The following KCNG2 variants were observed in gnomAD, a reference collection of about 807,000 sequenced individuals.
The protein encoded by KCNG2 is voltage-gated potassium channel regulatory subunit KCNG2.
A neutral mutation model predicts 12.3 loss-of-function variants in KCNG2; 7 were observed. That is an observed-to-expected ratio of 0.57 (90% CI 0.32 to 1.07). The LOEUF (loss-of-function observed/expected upper bound fraction) is 1.07. Among genes scored for constraint, KCNG2 ranks in the 50% least tolerant of loss-of-function variants. The pLI is 0.04. For synonymous variants in KCNG2, 414 were observed against 351.4 expected (o/e 1.18, Z -1.99); for missense variants, 703 against 726.0 (o/e 0.97, Z 0.36).
At position 79,899,889 on chromosome 18, in the gene KCNG2, G is replaced by C. The variant is rs1599448537; in HGVS notation, c.*73G>C. 2.4e-6 allele frequency: 3 copies of C among 1,255,878 alleles called. No homozygotes were observed. 77.8% of individuals were successfully genotyped at this position (1,255,878 alleles called of 1,614,324 possible). A position where few individuals can be genotyped will look rare whatever the true frequency, so the allele number is the denominator to read the frequency against. On this transcript the variant is annotated 3_prime_UTR_variant, in exon 4 of 4. Transcript: ENST00000316249. Reference sequence around the variant, plus strand: ...GTCGGGACCCCCGAGGTGCGCCAAGGGGTGGGGGGCGTCTGGCCTGGGGGA... The same window carrying C: ...GTCGGGACCCCCGAGGTGCGCCAAGCGGTGGGGGGCGTCTGGCCTGGGGGA...
At position 79,805,476 on chromosome 18, in the gene KCNG2, G is replaced by A. The variant is rs73970107; in HGVS notation, c.-115+7462G>A. ...CACAAAAGTGCACTGGCTACAGGTC[G>A]AGTTTCTAGAAAACACTGCACTTGA... On this transcript the variant is annotated intron_variant, in intron 1 of 3. Transcript: ENST00000316249. Among the ~76,000 whole-genome samples the A allele has an allele frequency of 9.9e-3, 1,515 of 152,296 alleles. 28 individuals are homozygous for A. Among genetic ancestry groups the A allele is most frequent in the African/African-American group, 0.035 (1,452 of 41,560 alleles).
At chr18:79,813,137 A>G (rs991662801) in intron 1 of KCNG2, among the ~76,000 whole-genome samples, 3 of 152,234 alleles carry the variant, frequency 2.0e-5, no homozygotes, top group African/African-American at 7.2e-5. Context: ...CCTGGGTGAG[A>G]GGGTGAGACT....
intron 1 of KCNG2, among the ~76,000 whole-genome samples, chr18:79,807,598 G>A (rs893986908): frequency 2.0e-5 from 3 of 152,158 alleles, no homozygotes; most frequent in African/African-American, 7.2e-5. Flanking sequence ...TCTTCTTAAT[G>A]CTCTCACGCC....
chr18:79,860,157 G>A (rs1018565105), intron 2 of KCNG2, among the ~76,000 whole-genome samples: 20 of 152,156 alleles, frequency 1.3e-4, no homozygotes, highest in African/African-American at 4.3e-4. Context: ...ATCTCATTTC[G>A]ACACAAGATT....
intron 3 of KCNG2, among the ~76,000 whole-genome samples, chr18:79,885,626 G>T (rs1431701539): frequency 6.6e-6 from 1 of 152,242 alleles, no homozygotes; most frequent in East Asian, 1.9e-4. Flanking sequence ...TGCGTGGAAG[G>T]CAGCATCCAC....
chr18:79,899,572 C>T lies in KCNG2; in HGVS notation c.1157C>T (p.Ala386Val), dbSNP rs747734392. 6.3e-7 allele frequency: 1 copy of T among 1,599,666 alleles called. No individual in the cohort carries two copies. The change falls in exon 4 of 4, where the codon GCG becomes GTG. Residue 386 changes from alanine (A) to valine (V), a missense_variant. Coordinates refer to ENST00000316249, the MANE Select transcript of KCNG2 (RefSeq NM_012283.2). Reference sequence around the variant, plus strand: ...CGCAGCCTGCCCGGGCAGGTGGTGGCGCTCAGCAGCATCCTCAGCGGCATC... The same window carrying T: ...CGCAGCCTGCCCGGGCAGGTGGTGGTGCTCAGCAGCATCCTCAGCGGCATC... ...VPRSLPGQVV[A>V]LSSILSGILL...
At chr18:79,835,201 G>C in intron 1 of KCNG2, among the ~76,000 whole-genome samples, 1 of 152,158 alleles carries the variant, frequency 6.6e-6, no homozygotes, top group Non-Finnish European at 1.5e-5. Context: ...TCTCCCCCCT[G>C]CCAGAGCAGG....
chr18:79,872,025 G>T (rs1473658530), intron 3 of KCNG2, among the ~76,000 whole-genome samples: 1 of 152,086 alleles, frequency 6.6e-6, no homozygotes, highest in African/African-American at 2.4e-5. Flanking sequence ...ACGTGCGGCC[G>T]GCCGCACACC....
chr18:79,838,384 C>T (rs1057281221), intron 1 of KCNG2, among the ~76,000 whole-genome samples: 2 of 151,698 alleles, frequency 1.3e-5, no homozygotes, highest in African/African-American at 4.8e-5. Flanking sequence ...TTAAATCATA[C>T]TTCTAAATAA....
chr18:79,830,234 A>G (rs1366773536), intron 1 of KCNG2, among the ~76,000 whole-genome samples: 1 of 152,176 alleles, frequency 6.6e-6, no homozygotes, highest in Non-Finnish European at 1.5e-5. Flanking sequence ...TCCCAGGTCA[A>G]CACACCTCCC....
In KCNG2 at chr18:79,863,798, A is replaced by AGCGCCTGC. The variant is rs1979324713; in HGVS notation, c.140_147dup (p.Arg50AlafsTer18). ...GCGCGATGCCCCCTCGCGCGCCTGG[A>AGCGCCTGC]GCGCCTGCGCGCCTGCCGCGGCCAC... On this transcript the variant is annotated frameshift_variant, in exon 3 of 4. Coordinates refer to ENST00000316249, the MANE Select transcript of KCNG2 (RefSeq NM_012283.2). LOFTEE classifies it high-confidence loss of function. 2.3e-6 allele frequency: 3 copies of AGCGCCTGC among 1,309,190 alleles called. No individual in the cohort carries two copies. Among genetic ancestry groups the AGCGCCTGC allele is most frequent in the African/African-American group, 1.6e-5 (1 of 63,292 alleles). The allele number at this position is 1,309,190 out of a possible 1,614,324, so 81.1% of individuals were successfully genotyped here.
At chr18:79,828,720 G>A (rs541849159) in intron 1 of KCNG2, among the ~76,000 whole-genome samples, 1 of 151,310 alleles carries the variant, frequency 6.6e-6, no homozygotes, top group Admixed American at 6.6e-5. Flanking sequence ...TGTGTAACAT[G>A]TCCATGATGT....
intron 1 of KCNG2, among the ~76,000 whole-genome samples, chr18:79,830,799 G>A (rs1055864587): frequency 1.2e-4 from 16 of 137,824 alleles, no homozygotes; most frequent in South Asian, 8.9e-4. Flanking sequence ...CAGAGCCTTC[G>A]TCAGGAGGGT....
chr18:79,806,150 T>C (rs2087447842), intron 1 of KCNG2, among the ~76,000 whole-genome samples: 1 of 152,190 alleles, frequency 6.6e-6, no homozygotes, highest in South Asian at 2.1e-4. Flanking sequence ...TGGTCCCTCA[T>C]TCAAAGGGGC....
intron 3 of KCNG2, among the ~76,000 whole-genome samples, chr18:79,864,632 A>G (rs1320817636): frequency 1.3e-5 from 2 of 152,224 alleles, no homozygotes; most frequent in Non-Finnish European, 2.9e-5. Flanking sequence ...GAGCTAAAAT[A>G]TTGGGTATCC....
chr18:79,824,132 G>A (rs1227802030), intron 1 of KCNG2, among the ~76,000 whole-genome samples: 1 of 152,208 alleles, frequency 6.6e-6, no homozygotes, highest in East Asian at 1.9e-4. Context: ...AGCCTCCCAA[G>A]TAGCTGGGAC....
At chr18:79,865,240 G>GA (rs2123071894) in intron 3 of KCNG2, among the ~76,000 whole-genome samples, 1 of 142,394 alleles carries the variant, frequency 7.0e-6, no homozygotes, top group East Asian at 2.2e-4. Context: ...TGTGTGCTGA[G>GA]AGTGTGGGTG....
Position 79,899,892 on chromosome 18 carries a change from T to A in KCNG2, c.*76T>A, listed in dbSNP as rs1981154719. On this transcript the variant is annotated 3_prime_UTR_variant, in exon 4 of 4. Transcript: ENST00000316249. Reference sequence around the variant, plus strand: ...GGGACCCCCGAGGTGCGCCAAGGGGTGGGGGGCGTCTGGCCTGGGGGAGCG... The same window carrying A: ...GGGACCCCCGAGGTGCGCCAAGGGGAGGGGGGCGTCTGGCCTGGGGGAGCG... The A allele has an allele frequency of 1.6e-6, 2 of 1,246,468 alleles. No individual in the cohort carries two copies. Among genetic ancestry groups the A allele is most frequent in the Non-Finnish European group, 2.0e-6 (2 of 986,082 alleles). The allele number at this position is 1,246,468 out of a possible 1,614,324, so 77.2% of individuals were successfully genotyped here.
intron 3 of KCNG2, among the ~76,000 whole-genome samples, chr18:79,879,586 A>G (rs574414757): frequency 6.6e-6 from 1 of 152,320 alleles, no homozygotes; most frequent in South Asian, 2.1e-4. Context: ...AGGAAAGAAG[A>G]TACCACTCAA....
Sources: allele counts gnomAD v4.1 joint callset (sites outside exome capture counted in the v4.1 genomes callset), GRCh38; gene constraint gnomAD v4.1.1; transcripts MANE v1.5; gene names NCBI Gene and HGNC (gene_info 2026-07-23, HGNC 2026-07-21).